The following ZMAT4 variants were observed in gnomAD, a reference collection of about 807,000 sequenced individuals.
The protein encoded by ZMAT4 is zinc finger matrin-type protein 4.
ZMAT4 carries 17 observed loss-of-function variants against 28.7 expected under a neutral mutation model. That is an observed-to-expected ratio of 0.59 (90% CI 0.41 to 0.89). The LOEUF is 0.89. ZMAT4 is among the 40% of genes least tolerant of loss of function. The probability of loss-of-function intolerance (pLI) is 0.00; values close to 1 mark genes in which losing one functional copy is unlikely to be tolerated. For synonymous variants in ZMAT4, 117 were observed against 109.2 expected (o/e 1.07, Z -0.44); for missense variants, 240 against 283.8 (o/e 0.85, Z 1.11).
intron 6 of ZMAT4, among the ~76,000 whole-genome samples, chr8:40,540,928 G>A (rs1051454439): frequency 1.3e-5 from 2 of 152,124 alleles, no homozygotes; most frequent in Admixed American, 1.3e-4. Context: ...GGAGCATATG[G>A]CAGATGCAGT....
chr8:40,559,279 C>G (rs1585683306), intron 6 of ZMAT4, among the ~76,000 whole-genome samples: 1 of 152,160 alleles, frequency 6.6e-6, no homozygotes, highest in African/African-American at 2.4e-5. Context: ...GCCTTCATGT[C>G]CCTGCTTCAC....
chr8:40,647,624 G>C (rs1807397815), intron 5 of ZMAT4, among the ~76,000 whole-genome samples: 1 of 152,152 alleles, frequency 6.6e-6, no homozygotes, highest in African/African-American at 2.4e-5. Context: ...CTGGGGGCAG[G>C]GCACAGACAA....
chr8:40,555,736 A>G (rs1803512665), intron 6 of ZMAT4, among the ~76,000 whole-genome samples: 1 of 152,146 alleles, frequency 6.6e-6, no homozygotes, highest in South Asian at 2.1e-4. Context: ...GATCATTTAC[A>G]GCATGAATTC....
At chr8:40,719,854 G>T (rs916529504) in intron 3 of ZMAT4, among the ~76,000 whole-genome samples, 1 of 152,140 alleles carries the variant, frequency 6.6e-6, no homozygotes, top group African/African-American at 2.4e-5. Flanking sequence ...TTACAGGCAT[G>T]AGCCACCATG....
At chr8:40,718,712 A>G (rs1810957178) in intron 3 of ZMAT4, among the ~76,000 whole-genome samples, 1 of 152,158 alleles carries the variant, frequency 6.6e-6, no homozygotes, top group South Asian at 2.1e-4. Flanking sequence ...ACACAGAGAG[A>G]AAAGCAAGCA....
intron 5 of ZMAT4, among the ~76,000 whole-genome samples, chr8:40,657,691 CAATGTATAAAGA>C (rs1335262544): frequency 3.9e-5 from 6 of 152,102 alleles, no homozygotes; most frequent in Non-Finnish European, 8.8e-5. Context: ...TTTAATGAGA[CAATGTATAAAGA>C]AATGATTTTT....
chr8:40,564,622 T>C (rs1244704721), intron 6 of ZMAT4, among the ~76,000 whole-genome samples: 1 of 152,208 alleles, frequency 6.6e-6, no homozygotes, highest in African/African-American at 2.4e-5. Flanking sequence ...AAGCAATTTA[T>C]TGAAATCACA....
intron 5 of ZMAT4, among the ~76,000 whole-genome samples, chr8:40,613,360 A>G (rs1187460597): frequency 6.7e-6 from 1 of 149,534 alleles, no homozygotes; most frequent in Non-Finnish European, 1.5e-5. Context: ...TATTTTTTGT[A>G]TTTTTAGTAG....
chr8:40,833,540 CAA>C (rs57458575), intron 1 of ZMAT4, among the ~76,000 whole-genome samples: 18,194 of 86,838 alleles, frequency 0.21, 1,904 homozygotes, highest in Non-Finnish European at 0.29. Flanking sequence ...TACACTCCAG[CAA>C]AAAAAAAAAA....
chr8:40,817,576 A>G (rs754895926), intron 2 of ZMAT4, among the ~76,000 whole-genome samples: 24 of 152,196 alleles, frequency 1.6e-4, no homozygotes, highest in Non-Finnish European at 2.6e-4. Flanking sequence ...CTTTGTCTTC[A>G]TTCTTCTTTT....
At chr8:40,575,093 C>A (rs1804217713) in intron 6 of ZMAT4, among the ~76,000 whole-genome samples, 1 of 152,166 alleles carries the variant, frequency 6.6e-6, no homozygotes, top group Non-Finnish European at 1.5e-5. Flanking sequence ...AACATGACCA[C>A]CCTGGCTGCT....
chr8:40,679,030 G>T (rs1369738557), intron 4 of ZMAT4, among the ~76,000 whole-genome samples: 2 of 152,086 alleles, frequency 1.3e-5, no homozygotes, highest in African/African-American at 4.8e-5. Context: ...TTCAACAAAA[G>T]ATCATGGATC....
chr8:40,744,161 T>C (rs1812126691), intron 3 of ZMAT4, among the ~76,000 whole-genome samples: 1 of 152,122 alleles, frequency 6.6e-6, no homozygotes, highest in Admixed American at 6.5e-5. Flanking sequence ...GACCTTGGAT[T>C]CTCCAACCCT....
chr8:40,540,081 T>C (rs1563331787), intron 6 of ZMAT4, among the ~76,000 whole-genome samples: 1 of 152,192 alleles, frequency 6.6e-6, no homozygotes, highest in Non-Finnish European at 1.5e-5. Flanking sequence ...AAAGCTCAGT[T>C]GAGTGAACAC....
intron 6 of ZMAT4, among the ~76,000 whole-genome samples, chr8:40,580,827 A>T (rs905147474): frequency 3.3e-5 from 5 of 152,214 alleles, no homozygotes; most frequent in Non-Finnish European, 5.9e-5. Flanking sequence ...GTGGTAGAAG[A>T]CATTCATAGA....
At chr8:40,632,008 C>T (rs1806602380) in intron 5 of ZMAT4, among the ~76,000 whole-genome samples, 1 of 152,210 alleles carries the variant, frequency 6.6e-6, no homozygotes, top group Admixed American at 6.5e-5. Flanking sequence ...TAGGTTTCTG[C>T]TCAAATCCAG....
intron 5 of ZMAT4, among the ~76,000 whole-genome samples, chr8:40,672,932 A>C (rs1808740347): frequency 6.6e-6 from 1 of 152,238 alleles, no homozygotes; most frequent in Non-Finnish European, 1.5e-5. Flanking sequence ...TGAAATAGGA[A>C]GCACCAAGTT....
chr8:40,670,912 C>T (rs751769689), intron 5 of ZMAT4, among the ~76,000 whole-genome samples: 6 of 151,842 alleles, frequency 4.0e-5, no homozygotes, highest in African/African-American at 7.3e-5. Flanking sequence ...ACTAAAAATA[C>T]GAAAATTAGC....
intron 4 of ZMAT4, among the ~76,000 whole-genome samples, chr8:40,681,581 C>T (rs1563408453): frequency 1.3e-5 from 2 of 152,148 alleles, no homozygotes; most frequent in African/African-American, 4.8e-5. Context: ...CCTCCGTGCC[C>T]ACCACAAAGT....
Sources: allele counts gnomAD v4.1 joint callset (sites outside exome capture counted in the v4.1 genomes callset), GRCh38; gene constraint gnomAD v4.1.1; transcripts MANE v1.5; gene names NCBI Gene and HGNC (gene_info 2026-07-23, HGNC 2026-07-21).